TENM2: variants seen among roughly 807,000 people sequenced by gnomAD.
The protein encoded by TENM2 is teneurin-2.
In TENM2, 52 loss-of-function variants were observed where a neutral mutation model predicts 245.2. The observed-to-expected ratio is 0.21, with a 90% CI of 0.17 to 0.27. TENM2 has a LOEUF of 0.27. TENM2 is among the 10% of genes least tolerant of loss of function. The probability of loss-of-function intolerance (pLI) is 1.00; values close to 1 mark genes in which losing one functional copy is unlikely to be tolerated. For missense variants in TENM2, 3,046 were observed against 3,666.8 expected, an observed-to-expected ratio of 0.83 and a Z score of 4.37; for synonymous variants, 1,363 against 1,438.9, an observed-to-expected ratio of 0.95 and a Z score of 1.19.
intron 2 of TENM2, among the ~76,000 whole-genome samples, chr5:167,627,384 A>C (rs954362596): frequency 1.1e-4 from 17 of 152,172 alleles, no homozygotes; most frequent in African/African-American, 4.1e-4. Flanking sequence ...CAGATACTAG[A>C]GTTCACCTGC....
intron 7 of TENM2, among the ~76,000 whole-genome samples, chr5:168,068,966 C>T (rs1270107464): frequency 2.0e-5 from 3 of 151,790 alleles, no homozygotes; most frequent in Non-Finnish European, 2.9e-5. Context: ...CTCAAGATTC[C>T]ATTTATATAC....
the TENM2 span, among the ~76,000 whole-genome samples, chr5:167,185,556 A>G: frequency 6.6e-6 from 1 of 152,126 alleles, no homozygotes; most frequent in African/African-American, 2.4e-5. Context: ...ACATATTCTC[A>G]AAAGCATCTA....
chr5:167,430,759 T>G (rs915191014), intron 2 of TENM2, among the ~76,000 whole-genome samples: 1 of 152,206 alleles, frequency 6.6e-6, no homozygotes, highest in Non-Finnish European at 1.5e-5. Context: ...TAAACTCTAC[T>G]GTGACAGCTC....
chr5:167,117,480 G>A, the TENM2 span, among the ~76,000 whole-genome samples: 3 of 152,222 alleles, frequency 2.0e-5, no homozygotes, highest in African/African-American at 4.8e-5. Flanking sequence ...TCCAGCCTGG[G>A]CGACAGAGCG....
chr5:167,286,991 C>G (rs776604316), intron 1 of TENM2, among the ~76,000 whole-genome samples: 4 of 152,144 alleles, frequency 2.6e-5, no homozygotes, highest in Non-Finnish European at 5.9e-5. Flanking sequence ...TGTTATTGAG[C>G]CCATATTTGT....
At chr5:167,479,560 ATAT>A (rs1245854277) in intron 2 of TENM2, among the ~76,000 whole-genome samples, 2 of 152,202 alleles carry the variant, frequency 1.3e-5, no homozygotes, top group South Asian at 2.1e-4. Flanking sequence ...AGGATTTAAA[ATAT>A]TATTACCTGG....
the TENM2 span, among the ~76,000 whole-genome samples, chr5:167,163,247 A>G: frequency 6.6e-6 from 1 of 152,218 alleles, no homozygotes; most frequent in East Asian, 1.9e-4. Flanking sequence ...GACTACAGGC[A>G]CATGCCACCA....
intron 13 of TENM2, among the ~76,000 whole-genome samples, chr5:168,165,642 CCCCCAA>C (rs1313075401): frequency 5.7e-4 from 8 of 14,060 alleles, no homozygotes; most frequent in African/African-American, 1.4e-3. Flanking sequence ...CAGGATCCCC[CCCCCAA>C]CCCCCCCCCC....
At chr5:167,576,619 C>T (rs1774708523) in intron 2 of TENM2, among the ~76,000 whole-genome samples, 1 of 152,048 alleles carries the variant, frequency 6.6e-6, no homozygotes, top group African/African-American at 2.4e-5. Flanking sequence ...ACATTTCATC[C>T]CTGAATGCTA....
intron 2 of TENM2, among the ~76,000 whole-genome samples, chr5:167,460,027 A>G (rs1766200155): frequency 6.6e-6 from 1 of 152,160 alleles, no homozygotes; most frequent in African/African-American, 2.4e-5. Context: ...CGACACATTG[A>G]GTGGAAGGAT....
the TENM2 span, among the ~76,000 whole-genome samples, chr5:167,247,853 A>G: frequency 6.6e-6 from 1 of 152,174 alleles, no homozygotes; most frequent in Non-Finnish European, 1.5e-5. Context: ...CATGAAATTA[A>G]ATGTTGGTAA....
At chr5:167,497,741 A>G (rs1325156185) in intron 2 of TENM2, among the ~76,000 whole-genome samples, 2 of 152,104 alleles carry the variant, frequency 1.3e-5, no homozygotes, top group African/African-American at 2.4e-5. Flanking sequence ...GCCCTTTATC[A>G]TCATCCTTAA....
chr5:168,218,609 A>G lies in TENM2; in HGVS notation c.4718A>G (p.Asn1573Ser), dbSNP rs1763405124. The G allele has an allele frequency of 2.5e-6, 4 of 1,613,928 alleles. No individual in the cohort carries two copies. The highest frequency in any genetic ancestry group is 1.3e-5 in the African/African-American group (1 of 74,934). ...ATTCGGATCAGGGCGGTCAGCAAGA[A>G]CAAGCCTGTTCTTAATGCCTTCAAC... The change falls in exon 23 of 29, where the codon AAC (asparagine) becomes AGC (serine). Residue 1573 changes from asparagine (N) to serine (S), a missense_variant. Physicochemically the swap from Asn to Ser is conservative, Grantham distance 46. Transcript: ENST00000518659. The surrounding 1 kb of genome is among the most constrained non-coding windows in gnomAD (Gnocchi z 5.2).
chr5:167,945,324 G>GGC (rs201062242), intron 3 of TENM2, among the ~76,000 whole-genome samples: 2 of 152,180 alleles, frequency 1.3e-5, no homozygotes, highest in East Asian at 3.9e-4. Context: ...AAGCACCCGG[G>GGC]GGGGGCACAG....
At chr5:168,034,151 GTATATA>G (rs1308833270) in intron 5 of TENM2, among the ~76,000 whole-genome samples, 1 of 101,178 alleles carries the variant, frequency 9.9e-6, no homozygotes, top group South Asian at 2.9e-4. Flanking sequence ...ATATATATGT[GTATATA>G]TATATGTATA....
chr5:168,230,541 G>A (rs1213952707), intron 25 of TENM2, among the ~76,000 whole-genome samples: 1 of 152,180 alleles, frequency 6.6e-6, no homozygotes, highest in African/African-American at 2.4e-5. Flanking sequence ...GCCCATGGCA[G>A]GGAGTTTGCA....
At chr5:167,802,309 G>T (rs546584453) in intron 2 of TENM2, among the ~76,000 whole-genome samples, 1 of 152,104 alleles carries the variant, frequency 6.6e-6, no homozygotes, top group African/African-American at 2.4e-5. Context: ...TCAATGTGGA[G>T]TGTGGATAAA....
intron 2 of TENM2, among the ~76,000 whole-genome samples, chr5:167,646,656 C>A (rs1779985635): frequency 6.6e-6 from 1 of 151,952 alleles, no homozygotes; most frequent in African/African-American, 2.4e-5. Context: ...ATGCGTGAAC[C>A]AGACTGGCTG....
At chr5:167,741,598 T>A (rs756735158) in intron 2 of TENM2, among the ~76,000 whole-genome samples, 5 of 152,194 alleles carry the variant, frequency 3.3e-5, no homozygotes, top group African/African-American at 7.2e-5. Flanking sequence ...AGGCCCCTAA[T>A]CACAGCATCT....
Sources: allele counts gnomAD v4.1 joint callset (sites outside exome capture counted in the v4.1 genomes callset), GRCh38; gene constraint gnomAD v4.1.1; non-coding constraint Gnocchi (gnomAD v3.1); transcripts MANE v1.5; gene names NCBI Gene and HGNC (gene_info 2026-07-23, HGNC 2026-07-21).